EYA1: variants seen among roughly 807,000 people sequenced by gnomAD.
The protein encoded by EYA1 is protein phosphatase EYA1.
EYA1 carries 16 observed loss-of-function variants against 82.0 expected under a neutral mutation model. The ratio of observed to expected loss-of-function variants is 0.20; its 90% CI spans 0.13 to 0.30. EYA1 has a LOEUF of 0.30. Ranked by LOEUF, EYA1 falls within the 10% of genes least tolerant of loss-of-function variation. The pLI, the probability that EYA1 is intolerant of heterozygous loss-of-function variation, is 1.00. For missense variants in EYA1, 633 were observed against 730.7 expected, an observed-to-expected ratio of 0.87 and a Z score of 1.54; for synonymous variants, 261 against 264.4, an observed-to-expected ratio of 0.99 and a Z score of 0.12.
intron 2 of EYA1, among the ~76,000 whole-genome samples, chr8:71,461,282 T>C (rs1024802653): frequency 6.6e-6 from 1 of 152,222 alleles, no homozygotes; most frequent in South Asian, 2.1e-4. Flanking sequence ...GGGGGAGTCA[T>C]GCATGGAGCG....
chr8:71,247,196 A>T (rs1813210083), intron 11 of EYA1, among the ~76,000 whole-genome samples: 1 of 150,890 alleles, frequency 6.6e-6, no homozygotes, highest in African/African-American at 2.4e-5. Flanking sequence ...CCTACAGTAC[A>T]TCCCACCCCC....
At chr8:71,211,772 A>G (rs1262913981) in intron 16 of EYA1, among the ~76,000 whole-genome samples, 1 of 152,224 alleles carries the variant, frequency 6.6e-6, no homozygotes, top group African/African-American at 2.4e-5. Flanking sequence ...CAAACATCGG[A>G]ATTAGCTTAT....
intron 2 of EYA1, among the ~76,000 whole-genome samples, chr8:71,523,152 G>A (rs916039889): frequency 4.1e-5 from 6 of 144,958 alleles, no homozygotes; most frequent in African/African-American, 1.5e-4. Flanking sequence ...AATCTATTCA[G>A]CTCTTTTTCT....
At chr8:71,386,066 G>A (rs1828951331) in intron 2 of EYA1, among the ~76,000 whole-genome samples, 2 of 152,034 alleles carry the variant, frequency 1.3e-5, no homozygotes, top group African/African-American at 4.8e-5. Flanking sequence ...TTACTTTCAC[G>A]CCACTTAGGA....
chr8:71,223,368 C>T (rs1563646091), intron 12 of EYA1, among the ~76,000 whole-genome samples: 1 of 152,158 alleles, frequency 6.6e-6, no homozygotes, highest in East Asian at 1.9e-4. Flanking sequence ...ATTGAAATGA[C>T]CATGGTCTAC....
At chr8:71,546,489 T>C (rs1026582716) in intron 1 of EYA1, among the ~76,000 whole-genome samples, 1 of 151,458 alleles carries the variant, frequency 6.6e-6, no homozygotes, top group Admixed American at 6.6e-5. Flanking sequence ...CTGTGCTTAG[T>C]AGACACTTTC....
At chr8:71,415,521 C>T (rs1181559040) in intron 2 of EYA1, among the ~76,000 whole-genome samples, 6 of 152,170 alleles carry the variant, frequency 3.9e-5, no homozygotes, top group Non-Finnish European at 8.8e-5. Flanking sequence ...ACAAGCTGCT[C>T]TGCTTCAGTC....
chr8:71,349,677 G>A (rs113273022), intron 3 of EYA1, among the ~76,000 whole-genome samples: 1,659 of 152,296 alleles, frequency 0.011, 27 homozygotes, highest in African/African-American at 0.038. Flanking sequence ...CTCACAGAAA[G>A]TCTGATGTAA....
Position 71,262,117 on chromosome 8 carries a change from C to T in EYA1, c.1050+7623G>A, listed in dbSNP as rs182203985. 1.3e-3 allele frequency among the ~76,000 whole-genome samples: 202 copies of T among 152,220 alleles called. 3 individuals carry two copies. The South Asian group carries it at 0.017, about 13-fold the overall frequency. Reference sequence around the variant, plus strand: ...CTGGTGTTGCCAGTTGATGGATCTGCCTTTTGGACAGATAATTTAATTTTT... The same window carrying T: ...CTGGTGTTGCCAGTTGATGGATCTGTCTTTTGGACAGATAATTTAATTTTT... On this transcript the variant is annotated intron_variant, in intron 11 of 17. Transcript: ENST00000340726.
At position 71,292,023 on chromosome 8, in the gene EYA1, A is replaced by G. The variant is rs527290536; in HGVS notation, c.826+7024T>C. ...TAATTGGATTATAGATGATTGTTTA[A>G]ATTTTGATTATACACATGAATCATA... On this transcript the variant is annotated intron_variant, in intron 9 of 17. Coordinates refer to ENST00000340726, the MANE Select transcript of EYA1 (RefSeq NM_000503.6). Among the ~76,000 whole-genome samples the G allele has an allele frequency of 1.2e-4, 18 of 152,272 alleles. 1 individual carries two copies. In the South Asian group the frequency reaches 3.5e-3, roughly 30 times the overall value.
At chr8:71,395,406 C>A (rs890789076) in intron 2 of EYA1, among the ~76,000 whole-genome samples, 6 of 152,176 alleles carry the variant, frequency 3.9e-5, no homozygotes, top group Admixed American at 3.9e-4. Context: ...TTTGCCCATT[C>A]AGTATGATAT....
intron 2 of EYA1, among the ~76,000 whole-genome samples, chr8:71,374,555 A>G (rs1000565712): frequency 3.3e-5 from 5 of 152,204 alleles, no homozygotes; most frequent in African/African-American, 1.2e-4. Context: ...TGGTACAGCT[A>G]TTATGGAAAA....
chr8:71,311,369 C>T (rs1374112534), intron 7 of EYA1, among the ~76,000 whole-genome samples: 1 of 152,326 alleles, frequency 6.6e-6, no homozygotes, highest in East Asian at 1.9e-4. Context: ...TTCATGCATG[C>T]GTGCACACAC....
chr8:71,361,839 C>T lies in EYA1; in HGVS notation c.-247G>A, dbSNP rs1215257043. The T allele has an allele frequency of 6.1e-6, 6 of 985,334 alleles. No homozygotes were observed. Among genetic ancestry groups the T allele is most frequent in the African/African-American group, 5.2e-5 (3 of 57,244 alleles). 61.0% of individuals were successfully genotyped at this position (985,334 alleles called of 1,614,324 possible). On this transcript the variant is annotated 5_prime_UTR_variant, in exon 1 of 18. Coordinates refer to ENST00000340726, the MANE Select transcript of EYA1 (RefSeq NM_000503.6). ...GAAAGCTCGGCGCAGGGGGCAGGCG[C>T]CTGGCCGCTGCCGCAGGCTCGGGCT...
chr8:71,467,137 C>T (rs116591570), intron 2 of EYA1, among the ~76,000 whole-genome samples: 2,704 of 151,906 alleles, frequency 0.018, 55 homozygotes, highest in African/African-American at 0.062. Flanking sequence ...AATAGCTAAA[C>T]ATGAGAAAGA....
At chr8:71,261,277 G>A (rs1409963701) in intron 11 of EYA1, among the ~76,000 whole-genome samples, 5 of 152,148 alleles carry the variant, frequency 3.3e-5, no homozygotes, top group African/African-American at 1.2e-4. Context: ...TCTAAAGGGA[G>A]CAATATCATC....
At chr8:71,526,577 T>G (rs1813831779) in intron 2 of EYA1, among the ~76,000 whole-genome samples, 1 of 152,142 alleles carries the variant, frequency 6.6e-6, no homozygotes, top group African/African-American at 2.4e-5. Context: ...ATGATCTGCT[T>G]GTAAGATGGC....
At chr8:71,357,118 T>A (rs1433424535) in intron 1 of EYA1, among the ~76,000 whole-genome samples, 4 of 152,208 alleles carry the variant, frequency 2.6e-5, no homozygotes, top group Non-Finnish European at 5.9e-5. Flanking sequence ...AAGGCAAGTT[T>A]TCATACCCAA....
chr8:71,216,974 T>C lies in EYA1; in HGVS notation c.1190A>G (p.Gln397Arg), dbSNP rs760811461. ...IDDVSSDDNG[Q>R]DLSTYNFGTD... ...ATTCAAGGGTGCTCACCTTAGGTCC[T>C]GTCCGTTATCATCTGAAGAAACATC... Residue 397 changes from glutamine (Q) to arginine (R), a missense_variant, in exon 13 of 18, where the codon CAG (glutamine) becomes CGG (arginine). Transcript: ENST00000340726. 1 of 1,613,802 alleles carries C rather than the reference T, an allele frequency of 6.2e-7. No homozygotes were observed. The highest frequency in any genetic ancestry group is 2.2e-5 in the East Asian group (1 of 44,878).
Sources: gnomAD v4.1 joint callset for allele counts (sites outside exome capture counted in the v4.1 genomes callset) on GRCh38, gnomAD v4.1.1 for gene constraint, MANE v1.5 for transcripts, NCBI Gene and HGNC (gene_info 2026-07-23, HGNC 2026-07-21) for gene names.